PPP1R13L: variants seen among roughly 807,000 people sequenced by gnomAD.
The protein encoded by PPP1R13L is relA-associated inhibitor.
A neutral mutation model predicts 80.9 loss-of-function variants in PPP1R13L; 50 were observed. The observed-to-expected ratio is 0.62, with a 90% CI of 0.49 to 0.78. The LOEUF is 0.78. Among genes scored for constraint, PPP1R13L ranks in the 30% least tolerant of loss-of-function variants. The pLI is 0.00. For synonymous variants in PPP1R13L, 602 were observed against 534.3 expected (o/e 1.13, Z -1.75); for missense variants, 1,200 against 1,205.9 (o/e 1.00, Z 0.07).
chr19:45,399,086 G>A (rs1337716062), intron 1 of PPP1R13L, among the ~76,000 whole-genome samples: 6 of 151,792 alleles, frequency 4.0e-5, no homozygotes, highest in Non-Finnish European at 8.8e-5. Context: ...TGGGACTACA[G>A]GCGCCTGCCA....
At position 45,395,694 on chromosome 19, in the gene PPP1R13L, G is replaced by A; in HGVS notation, c.1096C>T (p.Arg366Cys). The part of the protein sequence containing the change: ...PSSPQPRGAP[R>C]QRPIPLSMIF... Reference sequence around the variant, plus strand: ...ATGCTGAGGGGGATGGGACGCTGGCGCGGGGCCCCGCGGGGCTGGGGGCTG... The same window carrying A: ...ATGCTGAGGGGGATGGGACGCTGGCACGGGGCCCCGCGGGGCTGGGGGCTG... Residue 366 changes from arginine to cysteine, a missense_variant, in exon 7 of 13, where the codon CGC becomes TGC. Physicochemically the swap from Arg to Cys is radical, Grantham distance 180 (BLOSUM62 -3). This residue lies in a region of PPP1R13L where 764 missense variants were observed against 714.5 expected (regional missense o/e 1.07). Coordinates refer to ENST00000360957, the MANE Select transcript of PPP1R13L (RefSeq NM_006663.4). 1 of 1,445,888 alleles carries A rather than the reference G, an allele frequency of 6.9e-7. No individual in the cohort carries two copies. Among genetic ancestry groups the A allele is most frequent in the East Asian group, 2.6e-5 (1 of 38,838 alleles). The allele number at this position is 1,445,888 out of a possible 1,614,324, so 89.6% of individuals were successfully genotyped here. A position where few individuals can be genotyped will look rare whatever the true frequency, so the allele number is the denominator to read the frequency against.
At position 45,400,098 on chromosome 19, in the gene PPP1R13L, G is replaced by A. The variant is rs537954110; in HGVS notation, c.-21-1759C>T. On this transcript the variant is annotated intron_variant, in intron 1 of 12. Transcript: ENST00000360957. ...GTTCAAGGTCACCCTGCAAGAAGTC[G>A]GTAGTAATCGGTTTCACACCCGCAT... Among the ~76,000 whole-genome samples the A allele has an allele frequency of 9.2e-5, 14 of 152,044 alleles. No homozygotes were observed. In the East Asian group the frequency reaches 2.7e-3, roughly 29 times the overall value.
chr19:45,386,085 G>T lies in PPP1R13L; in HGVS notation c.1911C>A (p.Thr637=). ...PLVLLLDAAL[T]GELEVVQQAV... The stretch of plus-strand genomic sequence containing the variant: ...CCTGCTGCACCACCTCCAGCTCCCC[G>T]GTCAGCGCCGCGTCCAGGAGGAGCA... Residue 637 remains threonine, a synonymous_variant, in exon 9 of 13, where the codon ACC becomes ACA. Coordinates refer to ENST00000360957, the MANE Select transcript of PPP1R13L (RefSeq NM_006663.4). 6.3e-7 allele frequency: 1 copy of T among 1,579,716 alleles called. No homozygotes were observed.
chr19:45,397,750 C>A (rs2123391730), intron 3 of PPP1R13L, among the ~76,000 whole-genome samples: 1 of 152,084 alleles, frequency 6.6e-6, no homozygotes, highest in Middle Eastern at 3.4e-3. Flanking sequence ...CCGTGCCCAG[C>A]CAGATTTTTA....
chr19:45,385,887 T>A lies in PPP1R13L; in HGVS notation c.2018A>T (p.Tyr673Phe). 1 of 1,610,690 alleles carries A rather than the reference T, an allele frequency of 6.2e-7. No individual in the cohort carries two copies. The highest frequency in any genetic ancestry group is 8.5e-7 in the Non-Finnish European group (1 of 1,178,688). The change falls in exon 10 of 13, where the codon TAC (tyrosine) becomes TTC (phenylalanine). Residue 673 changes from tyrosine (Y) to phenylalanine (F), a missense_variant. Transcript: ENST00000360957. ...ALHNAICGAN[Y>F]SIVDFLITAG... is the part of the protein sequence containing the mutation. The stretch of plus-strand genomic sequence containing the variant: ...GGTGATGAGGAAATCCACGATAGAG[T>A]AGTTGGCGCCGCAGATGGCGTTGTG...
chr19:45,380,862 C>A lies in PPP1R13L; in HGVS notation c.2449-634G>T, dbSNP rs529113586. Reference sequence around the variant, plus strand: ...CACACACACACACAGAAAAAAAAAACCAAAATAAAAAAATCTCCCTTCTCA... The same window carrying A: ...CACACACACACACAGAAAAAAAAAAACAAAATAAAAAAATCTCCCTTCTCA... On this transcript the variant is annotated intron_variant, in intron 12 of 12. Coordinates refer to ENST00000360957, the MANE Select transcript of PPP1R13L (RefSeq NM_006663.4). Among the ~76,000 whole-genome samples, 123 of 140,098 alleles carry A rather than the reference C, an allele frequency of 8.8e-4. 2 individuals carry two copies. Among genetic ancestry groups the A allele is most frequent in the African/African-American group, 2.4e-3 (86 of 36,554 alleles). 91.9% of individuals were successfully genotyped at this position (140,098 alleles called of 152,430 possible).
chr19:45,396,011 A>C lies in PPP1R13L; in HGVS notation c.904-125T>G. 7.9e-7 allele frequency: 1 copy of C among 1,267,854 alleles called. No individual in the cohort carries two copies. The highest frequency in any genetic ancestry group is 1.1e-6 in the Non-Finnish European group (1 of 921,018). The allele number at this position is 1,267,854 out of a possible 1,614,324, so 78.5% of individuals were successfully genotyped here. On this transcript the variant is annotated intron_variant, in intron 6 of 12. Coordinates refer to ENST00000360957, the MANE Select transcript of PPP1R13L (RefSeq NM_006663.4). This position sits in a 1 kb window ranked among gnomAD's most constrained non-coding sequence, Gnocchi z 5.3. ...TGGGAGTGAGGGAGAAGAAAGGGTG[A>C]GGAAGGAGCAGAAACCCAGCACAGT...
At position 45,395,840 on chromosome 19, in the gene PPP1R13L, GGA is replaced by G; in HGVS notation, c.948_949del (p.Pro317SerfsTer88). 1 of 1,598,204 alleles carries G rather than the reference GGA, an allele frequency of 6.3e-7. No homozygotes were observed. ...GTCTGAACGCCGGTCGCTGGCCAGA[GGA>G]GAGACCTTGTAATTGCGCGGCAGGG... On this transcript the variant is annotated frameshift_variant, in exon 7 of 13. Coordinates refer to ENST00000360957, the MANE Select transcript of PPP1R13L (RefSeq NM_006663.4). LOFTEE classifies it high-confidence loss of function.
At chr19:45,381,968 C>T (rs967534462) in intron 12 of PPP1R13L, among the ~76,000 whole-genome samples, 1 of 151,666 alleles carries the variant, frequency 6.6e-6, no homozygotes, top group Non-Finnish European at 1.5e-5. Flanking sequence ...TGGCCGGGTG[C>T]GGTGGCTCAT....
In PPP1R13L at chr19:45,395,606, G is replaced by C. The variant is rs769570892; in HGVS notation, c.1184C>G (p.Ser395Cys). 29 of 1,473,346 alleles carry C rather than the reference G, an allele frequency of 2.0e-5. No individual in the cohort carries two copies. The highest frequency in any genetic ancestry group is 2.2e-5 in the Non-Finnish European group (25 of 1,115,922). The allele number at this position is 1,473,346 out of a possible 1,614,324, so 91.3% of individuals were successfully genotyped here. The change falls in exon 7 of 13, where the codon TCC (serine) becomes TGC (cysteine). Residue 395 changes from serine to cysteine, a missense_variant. Physicochemically the swap from Ser to Cys is moderately radical, Grantham distance 112 (BLOSUM62 -1). Coordinates refer to ENST00000360957, the MANE Select transcript of PPP1R13L (RefSeq NM_006663.4). ...HGASRAMLPGSPLFTRAPPPK... is the reference protein window; with the variant it reads ...HGASRAMLPGCPLFTRAPPPK... ...CGGGGGTGCTCGGGTGAAGAGGGGG[G>C]ACCCAGGGAGCATGGCGCGGCTGGC...
intron 1 of PPP1R13L, among the ~76,000 whole-genome samples, chr19:45,401,354 C>CAAAA (rs34884152): frequency 5.2e-5 from 6 of 116,418 alleles, no homozygotes; most frequent in African/African-American, 1.5e-4. Context: ...GACTCCGTCC[C>CAAAA]AAAAAAAAAA....
chr19:45,397,127 G>A (rs1269365682), intron 3 of PPP1R13L, 69 bp from the exon 4 acceptor site: 5 of 1,198,094 alleles, frequency 4.2e-6, no homozygotes, highest in South Asian at 3.2e-5. Context: ...GTGTGTGGGC[G>A]GGGGTGTCAA....
chr19:45,385,740 G>T lies in PPP1R13L; in HGVS notation c.2082-12C>A, dbSNP rs1474185411. On this transcript the variant is annotated splice_polypyrimidine_tract_variant and intron_variant, in intron 10 of 12. Transcript: ENST00000360957. ...AGTGCAAGGGTGTCCTAGGCGTGGG[G>T]GTGGGGGGTTGCGGGGAACGATGCG... 1 of 1,606,688 alleles carries T rather than the reference G, an allele frequency of 6.2e-7. No individual in the cohort carries two copies. Among genetic ancestry groups the T allele is most frequent in the African/African-American group, 1.3e-5 (1 of 74,748 alleles).
chr19:45,400,760 A>ATTTTTTTTTTTT (rs887299061), intron 1 of PPP1R13L, among the ~76,000 whole-genome samples: 1 of 25,966 alleles, frequency 3.9e-5, no homozygotes. Flanking sequence ...CACCCAGCTA[A>ATTTTTTTTTTTT]TTTTTTTTTT....
intron 7 of PPP1R13L, 83 bp from the exon 8 acceptor site, chr19:45,392,423 C>T: frequency 7.2e-7 from 1 of 1,383,100 alleles, no homozygotes; most frequent in African/African-American, 1.4e-5. Flanking sequence ...GGGCATACAA[C>T]CAGCACATGA....
chr19:45,396,956 C>T lies in PPP1R13L; in HGVS notation c.301G>A (p.Glu101Lys). ...DGADTPFGRS[E>K]SAPTLHPYSP... ...TAGGGGTGTAGGGTTGGGGCACTCT[C>T]TGATCGTCCGAACGGGGTGTCTGCG... The change falls in exon 4 of 13, where the codon GAG becomes AAG. Residue 101 changes from glutamate to lysine, a missense_variant. Around this residue, in one of 5 missense-constraint regions of PPP1R13L, gnomAD observed 764 missense variants for 714.5 expected, o/e 1.07. Transcript: ENST00000360957. The surrounding 1 kb of genome is among the most constrained non-coding windows in gnomAD (Gnocchi z 5.3). The T allele has an allele frequency of 7.1e-7, 1 of 1,416,248 alleles. No homozygotes were observed. 87.7% of individuals were successfully genotyped at this position (1,416,248 alleles called of 1,614,324 possible).
intron 11 of PPP1R13L, 34 bp from the exon 12 acceptor site, chr19:45,382,760 T>C (rs1568552997): frequency 3.7e-6 from 6 of 1,610,188 alleles, no homozygotes; most frequent in Non-Finnish European, 3.4e-6. Flanking sequence ...GGTGAGAGCC[T>C]GGCCCAGGGG....
chr19:45,396,502 G>T lies in PPP1R13L; in HGVS notation c.712+43C>A, dbSNP rs1438432220. ...GCGAGCCCCGGATCCTGCCCGCTTT[G>T]ACCCCGCGAGTCAAAGGCCCCGCGA... On this transcript the variant is annotated intron_variant, in intron 4 of 12. Transcript: ENST00000360957. This position sits in a 1 kb window ranked among gnomAD's most constrained non-coding sequence, Gnocchi z 5.3. 1.7e-5 allele frequency: 27 copies of T among 1,605,886 alleles called. No individual in the cohort carries two copies. Among genetic ancestry groups the T allele is most frequent in the Non-Finnish European group, 2.3e-5 (27 of 1,176,998 alleles).
In PPP1R13L at chr19:45,398,115, T is replaced by A; in HGVS notation, c.88A>T (p.Met30Leu). ...LAMKHMDLKQ[M>L]ELDTAAAKVD... ...TTGGCCGCCGCCGTGTCCAGCTCCA[T>A]CTGCTTCAGATCCATGTGTTTCATG... The change falls in exon 3 of 13, where the codon ATG becomes TTG. Residue 30 changes from methionine (M) to leucine (L), a missense_variant. Around this residue, in one of 5 missense-constraint regions of PPP1R13L, gnomAD observed 764 missense variants for 714.5 expected, o/e 1.07. Transcript: ENST00000360957. The A allele has an allele frequency of 6.2e-7, 1 of 1,614,142 alleles. No individual in the cohort carries two copies. The highest frequency in any genetic ancestry group is 8.5e-7 in the Non-Finnish European group (1 of 1,180,002).
Sources: gnomAD v4.1 joint callset for allele counts (sites outside exome capture counted in the v4.1 genomes callset) on GRCh38, gnomAD v4.1.1 for gene constraint, gnomAD v4.1.1 regional missense constraint, Gnocchi (gnomAD v3.1) non-coding constraint, MANE v1.5 for transcripts, NCBI Gene and HGNC (gene_info 2026-07-23, HGNC 2026-07-21) for gene names.